AFF2: variants seen among roughly 807,000 people sequenced by gnomAD.
AFF2 encodes AF4/FMR2 family member 2.
AFF2 carries 14 observed loss-of-function variants against 76.9 expected under a neutral mutation model. That is an observed-to-expected ratio of 0.18 (90% confidence interval 0.12 to 0.28). The LOEUF (loss-of-function observed/expected upper bound fraction) is 0.28, where lower values mean the gene tolerates loss of function less well. Ranked by LOEUF, AFF2 falls within the 10% of genes least tolerant of loss-of-function variation. The probability of loss-of-function intolerance (pLI) is 1.00; values close to 1 mark genes in which losing one functional copy is unlikely to be tolerated. For missense variants in AFF2, 868 were observed against 1,001.1 expected (o/e 0.87, Z 1.79); for synonymous variants, 398 against 366.7 (o/e 1.09, Z -0.98).
At chrX:148,518,496 A>C (rs1242292764) in intron 1 of AFF2, among the ~76,000 whole-genome samples, 3 of 112,670 alleles carry the variant, frequency 2.7e-5, no homozygotes, top group Non-Finnish European at 5.6e-5. Flanking sequence ...TGCCCTGAGC[A>C]ATGACCCCTC....
At chrX:148,779,879 T>G (rs1242300612) in intron 3 of AFF2, among the ~76,000 whole-genome samples, 1 of 112,397 alleles carries the variant, frequency 8.9e-6, no homozygotes, top group East Asian at 2.8e-4. Context: ...TTGCAGTGGC[T>G]GCTACCAGTT....
chrX:148,742,833 C>T (rs2055374561), intron 3 of AFF2, among the ~76,000 whole-genome samples: 1 of 112,169 alleles, frequency 8.9e-6, no homozygotes, highest in Non-Finnish European at 1.9e-5. Context: ...GTCCATCTTT[C>T]TGCAATCACT....
At chrX:148,723,874 T>C (rs1454648215) in intron 3 of AFF2, among the ~76,000 whole-genome samples, 10 of 111,154 alleles carry the variant, frequency 9.0e-5, no homozygotes, top group Non-Finnish European at 1.9e-4. Context: ...GTAACCAAAA[T>C]TGTATTCAGG....
intron 8 of AFF2, among the ~76,000 whole-genome samples, chrX:148,893,583 A>G (rs782696158): frequency 1.8e-5 from 2 of 112,574 alleles, no homozygotes; most frequent in Admixed American, 1.9e-4. Flanking sequence ...CAAAGCCAAT[A>G]GCTCTTTTGC....
At chrX:148,721,272 C>T (rs782088659) in intron 3 of AFF2, among the ~76,000 whole-genome samples, 31 of 111,956 alleles carry the variant, frequency 2.8e-4, no homozygotes, top group Non-Finnish European at 5.1e-4. Flanking sequence ...AAAACTTGAA[C>T]CTGGCAGTGA....
chrX:148,640,207 C>T (rs1204777620), intron 1 of AFF2, among the ~76,000 whole-genome samples: 5 of 112,217 alleles, frequency 4.5e-5, no homozygotes, highest in Non-Finnish European at 9.4e-5. Flanking sequence ...TTTAACACCA[C>T]AACAAGGTCT....
chrX:148,990,792 G>A (rs1603354243), intron 20 of AFF2, among the ~76,000 whole-genome samples: 2 of 112,157 alleles, frequency 1.8e-5, no homozygotes, highest in Admixed American at 1.9e-4. Flanking sequence ...TCTAGACCAT[G>A]CCAAGAAAAC....
Position 148,996,707 on chromosome X carries a change from C to T in AFF2, c.*5375C>T, listed in dbSNP as rs782519299. ...TTGCCCTGGAAGCCTAGGTTTTAAG[C>T]AGGAGAATAGCTGAGAAGAATGAAG... is the stretch of plus-strand genomic sequence containing the variant. On this transcript the variant is annotated 3_prime_UTR_variant, in exon 21 of 21. Coordinates refer to ENST00000370460, the MANE Select transcript of AFF2 (RefSeq NM_002025.4). The T allele has an allele frequency of 8.9e-6, 1 of 111,816 alleles. No homozygotes were observed. The highest frequency in any genetic ancestry group is 3.3e-5 in the African/African-American group (1 of 30,767). 9.2% of individuals were successfully genotyped at this position (111,816 alleles called of 1,213,427 possible). A position where few individuals can be genotyped will look rare whatever the true frequency, so the allele number is the denominator to read the frequency against.
At chrX:148,872,361 AGGAATC>A (rs1434214676) in intron 7 of AFF2, among the ~76,000 whole-genome samples, 1 of 111,794 alleles carries the variant, frequency 8.9e-6, no homozygotes, top group Non-Finnish European at 1.9e-5. Context: ...TTCATATGAA[AGGAATC>A]ATGTGATATG....
chrX:148,892,063 A>G (rs1299648617), intron 8 of AFF2, among the ~76,000 whole-genome samples: 1 of 111,675 alleles, frequency 9.0e-6, no homozygotes, highest in Non-Finnish European at 1.9e-5. Flanking sequence ...ATTTTCTTTG[A>G]ACACAAAACA....
chrX:148,953,506 T>G, intron 9 of AFF2, 74 bp from the exon 10 acceptor site: 1 of 1,095,928 alleles, frequency 9.1e-7, no homozygotes, highest in East Asian at 3.0e-5. Flanking sequence ...CCACAGGCCC[T>G]TCACCTGAAC....
chrX:148,798,227 T>C (rs1195666364), intron 3 of AFF2, among the ~76,000 whole-genome samples: 1 of 111,593 alleles, frequency 9.0e-6, no homozygotes, highest in East Asian at 2.8e-4. Flanking sequence ...CTTGTCATTT[T>C]ATCAGGAACC....
chrX:148,805,566 C>T (rs781879574), intron 3 of AFF2, among the ~76,000 whole-genome samples: 4 of 112,223 alleles, frequency 3.6e-5, no homozygotes, highest in Non-Finnish European at 7.5e-5. Flanking sequence ...TTACCCTAAT[C>T]GCTAAGAAGT....
At chrX:148,879,234 G>A (rs1437063649) in intron 7 of AFF2, among the ~76,000 whole-genome samples, 1 of 111,772 alleles carries the variant, frequency 8.9e-6, no homozygotes, top group Non-Finnish European at 1.9e-5. Flanking sequence ...CTGAATCTCT[G>A]AGATACATAT....
intron 18 of AFF2, 128 bp downstream of exon 18, chrX:148,978,583 G>A (rs1603352240): frequency 6.4e-6 from 3 of 468,849 alleles, no homozygotes; most frequent in Non-Finnish European, 1.1e-5. Flanking sequence ...GGCCATGGCC[G>A]TCCTACCCTT....
intron 1 of AFF2, among the ~76,000 whole-genome samples, chrX:148,505,901 A>G (rs1375522519): frequency 8.9e-6 from 1 of 111,768 alleles, no homozygotes; most frequent in African/African-American, 3.3e-5. Flanking sequence ...AAGAAATGTT[A>G]CTGATTAAAG....
intron 3 of AFF2, among the ~76,000 whole-genome samples, chrX:148,725,757 T>G (rs2055148239): frequency 8.9e-6 from 1 of 112,196 alleles, no homozygotes; most frequent in Non-Finnish European, 1.9e-5. Context: ...TTATAAAAAC[T>G]TAAGTGACTC....
At chrX:148,661,454 C>T (rs1483131715) in intron 2 of AFF2, among the ~76,000 whole-genome samples, 1 of 111,785 alleles carries the variant, frequency 8.9e-6, no homozygotes, top group African/African-American at 3.3e-5. Flanking sequence ...ATAGCCTAAG[C>T]CTTTTTCATG....
intron 1 of AFF2, among the ~76,000 whole-genome samples, chrX:148,542,076 C>T (rs1557237586): frequency 9.1e-6 from 1 of 109,697 alleles, no homozygotes. Context: ...AAATGAATAA[C>T]TTGTGTTTAT....
Sources: allele counts gnomAD v4.1 joint callset (sites outside exome capture counted in the v4.1 genomes callset), GRCh38; gene constraint gnomAD v4.1.1; transcripts MANE v1.5; gene names NCBI Gene and HGNC (gene_info 2026-07-23, HGNC 2026-07-21).